Variants in RIMS2 observed in about 807,000 individuals in gnomAD.
RIMS2 encodes the protein regulating synaptic membrane exocytosis protein 2.
A neutral mutation model predicts 174.4 loss-of-function variants in RIMS2; 59 were observed. The observed-to-expected ratio is 0.34, with a 90% CI of 0.27 to 0.42. RIMS2 has a LOEUF of 0.42. RIMS2 is among the 10% of genes least tolerant of loss of function. The pLI is 1.00. For synonymous variants in RIMS2, 606 were observed against 572.5 expected (o/e 1.06, Z -0.84); for missense variants, 1,620 against 1,666.3 (o/e 0.97, Z 0.48).
chr8:104,041,508 G>T, intron 19 of RIMS2, 150 bp downstream of exon 22: 2 of 499,480 alleles, frequency 4.0e-6, no homozygotes, highest in South Asian at 3.3e-5. Flanking sequence ...TTAGGTATTT[G>T]TGTATTCAAC....
intron 16 of RIMS2, among the ~76,000 whole-genome samples, chr8:103,977,811 A>G (rs2093577768): frequency 6.6e-6 from 1 of 152,210 alleles, no homozygotes; most frequent in Non-Finnish European, 1.5e-5. Context: ...CACTTTAATC[A>G]TGTTTACCAG....
intron 21 of RIMS2, 100 bp downstream of exon 27, chr8:104,248,913 T>TCTCTCTC (rs1563995464): frequency 1.7e-5 from 9 of 538,186 alleles, no homozygotes; most frequent in Admixed American, 3.6e-5. Context: ...CTCTCTCTCT[T>TCTCTCTC]TCCCTCTCTC....
At chr8:104,093,568 G>C in intron 19 of RIMS2, 1 of 1,597,406 alleles carries the variant, frequency 6.3e-7, no homozygotes, top group Non-Finnish European at 8.5e-7. Flanking sequence ...TCAAGGACTA[G>C]TAGTGCTTCT....
At chr8:103,588,688 G>A (rs1047761894) in intron 1 of RIMS2, among the ~76,000 whole-genome samples, 15 of 151,972 alleles carry the variant, frequency 9.9e-5, no homozygotes, top group African/African-American at 3.6e-4. Context: ...AATGGTGCTG[G>A]AAAAACTGGA....
intron 2 of RIMS2, among the ~76,000 whole-genome samples, chr8:103,698,434 G>GT (rs938521059): frequency 2.6e-5 from 4 of 152,212 alleles, no homozygotes; most frequent in Non-Finnish European, 5.9e-5. Context: ...TGTTTGGTTG[G>GT]TTTTTTAAGA....
At position 103,766,323 on chromosome 8, in the gene RIMS2, C is replaced by A. The variant is rs376480806; in HGVS notation, c.484C>A (p.Pro162Thr). 13 of 1,613,124 alleles carry A rather than the reference C, an allele frequency of 8.1e-6. 1 individual carries two copies. The African/African-American group carries it at 1.2e-4, about 15-fold the overall frequency. Residue 162 changes from proline (P) to threonine (T), a missense_variant, in exon 3 of 24, where the codon CCT (proline) becomes ACT (threonine). Around this residue, in one of 2 missense-constraint regions of RIMS2, gnomAD observed 1,395 missense variants for 1,360.1 expected, o/e 1.03. Coordinates refer to ENST00000504942, the Ensembl canonical transcript of RIMS2. The stretch of plus-strand genomic sequence containing the variant: ...TAGTGGATCTAATACACCACAGCAA[C>A]CTGATCAAAAGGTTCTTCGAGGGCT...
At chr8:104,124,567 A>C (rs2098413381) in intron 19 of RIMS2, among the ~76,000 whole-genome samples, 1 of 152,168 alleles carries the variant, frequency 6.6e-6, no homozygotes. Flanking sequence ...ATCTTATTAG[A>C]ATTCCTGAGG....
At chr8:104,189,753 A>T (rs1265868600) in intron 19 of RIMS2, among the ~76,000 whole-genome samples, 3 of 151,786 alleles carry the variant, frequency 2.0e-5, no homozygotes, top group Admixed American at 2.0e-4. Flanking sequence ...TTGAGGTAGT[A>T]TATATTTTAA....
At chr8:103,662,823 G>T (rs2096620215) in intron 1 of RIMS2, among the ~76,000 whole-genome samples, 1 of 151,960 alleles carries the variant, frequency 6.6e-6, no homozygotes, top group Admixed American at 6.6e-5. Flanking sequence ...TTTATTTTGT[G>T]AACAGAATAA....
chr8:103,598,041 A>G (rs192242704), intron 1 of RIMS2, among the ~76,000 whole-genome samples: 1 of 152,308 alleles, frequency 6.6e-6, no homozygotes, highest in East Asian at 1.9e-4. Flanking sequence ...ATGTAATTGT[A>G]TGTAAGATAT....
intron 19 of RIMS2, among the ~76,000 whole-genome samples, chr8:104,049,417 C>G (rs2096748659): frequency 6.6e-6 from 1 of 152,048 alleles, no homozygotes; most frequent in African/African-American, 2.4e-5. Context: ...AGAGCGGAGA[C>G]TCCATCTCAA....
intron 1 of RIMS2, among the ~76,000 whole-genome samples, chr8:103,608,852 G>A (rs1024397223): frequency 2.6e-5 from 4 of 152,136 alleles, no homozygotes; most frequent in East Asian, 1.9e-4. Context: ...GCTTTGGCTC[G>A]CGCACGGTGC....
intron 1 of RIMS2, among the ~76,000 whole-genome samples, chr8:103,651,349 A>G (rs776640294): frequency 6.6e-6 from 1 of 152,146 alleles, no homozygotes; most frequent in Non-Finnish European, 1.5e-5. Context: ...TGCTCCTTTC[A>G]TTCCTCTCCT....
chr8:103,553,328 G>A (rs560102257), intron 1 of RIMS2, among the ~76,000 whole-genome samples: 8 of 151,946 alleles, frequency 5.3e-5, no homozygotes, highest in South Asian at 2.1e-4. Flanking sequence ...CCATCATTCC[G>A]AGCAAACTAT....
chr8:104,013,350 A>G, intron 17 of RIMS2, 92 bp from the exon 20 acceptor site: 2 of 1,027,144 alleles, frequency 1.9e-6, no homozygotes, highest in East Asian at 2.5e-5. Context: ...ATTTTAAACA[A>G]TTACCTTTTT....
chr8:103,888,996 T>A (rs888979230), intron 4 of RIMS2, among the ~76,000 whole-genome samples: 8 of 151,660 alleles, frequency 5.3e-5, no homozygotes, highest in African/African-American at 1.9e-4. Context: ...CCCCCAATAA[T>A]TGAATTCAGT....
chr8:104,030,040 A>G (rs1328166100), intron 19 of RIMS2, among the ~76,000 whole-genome samples: 1 of 152,134 alleles, frequency 6.6e-6, no homozygotes, highest in East Asian at 1.9e-4. Flanking sequence ...ACAGTATAGC[A>G]TATTTTTCCA....
intron 2 of RIMS2, among the ~76,000 whole-genome samples, chr8:103,726,734 T>G (rs1038526953): frequency 6.8e-6 from 1 of 147,942 alleles, no homozygotes; most frequent in Non-Finnish European, 1.5e-5. Context: ...ATTAATTATA[T>G]ATATATATAT....
intron 3 of RIMS2, among the ~76,000 whole-genome samples, chr8:103,848,587 T>A (rs2098980310): frequency 6.6e-6 from 1 of 152,046 alleles, no homozygotes; most frequent in Admixed American, 6.6e-5. Context: ...AGATCAGATG[T>A]TCCATTTCTA....
Sources: allele counts gnomAD v4.1 joint callset (sites outside exome capture counted in the v4.1 genomes callset), GRCh38; gene constraint gnomAD v4.1.1; regional missense constraint gnomAD v4.1.1; transcripts MANE v1.5; gene names NCBI Gene and HGNC (gene_info 2026-07-23, HGNC 2026-07-21).